Variants in CAMK4 observed in about 807,000 individuals in gnomAD.
CAMK4 encodes calcium/calmodulin-dependent protein kinase type IV.
In CAMK4, 22 loss-of-function variants were observed where a neutral mutation model predicts 44.9. The ratio of observed to expected loss-of-function variants is 0.49; its 90% CI spans 0.35 to 0.70. The LOEUF is 0.70. CAMK4 is among the 30% of genes least tolerant of loss of function. CAMK4 has a pLI of 0.01. For synonymous variants in CAMK4, 218 were observed against 215.4 expected (o/e 1.01, Z -0.11); for missense variants, 498 against 586.8 (o/e 0.85, Z 1.56).
chr5:111,333,667 A>C (rs551529524), intron 1 of CAMK4, among the ~76,000 whole-genome samples: 1 of 151,756 alleles, frequency 6.6e-6, no homozygotes, highest in South Asian at 2.1e-4. Context: ...TGGAGATCCA[A>C]GCACTAGGTC....
At chr5:111,419,918 G>A (rs1248834425) in intron 5 of CAMK4, among the ~76,000 whole-genome samples, 4 of 152,154 alleles carry the variant, frequency 2.6e-5, no homozygotes, top group Non-Finnish European at 5.9e-5. Context: ...GATTGACTTG[G>A]CGATGTGGGC....
chr5:111,227,086 C>T (rs1041226514), intron 1 of CAMK4, among the ~76,000 whole-genome samples: 15 of 152,184 alleles, frequency 9.9e-5, no homozygotes, highest in African/African-American at 2.9e-4. Context: ...TACATGGCAG[C>T]ATTCGTGGGG....
At position 111,224,707 on chromosome 5, in the gene CAMK4, C is replaced by G. The variant is rs1748091509; in HGVS notation, c.161+63C>G. On this transcript the variant is annotated intron_variant, in intron 1 of 10. Coordinates refer to ENST00000282356, the MANE Select transcript of CAMK4 (RefSeq NM_001744.6). The surrounding 1 kb of genome is among the most constrained non-coding windows in gnomAD (Gnocchi z 5.7). The stretch of plus-strand genomic sequence containing the variant: ...GCACTGGGGGTTGTCCCTCTCGCAG[C>G]GACGGCTCGGAGGGTGCGGGAGCCT... The G allele has an allele frequency of 9.3e-6, 14 of 1,512,192 alleles. No individual in the cohort carries two copies. Among genetic ancestry groups the G allele is most frequent in the African/African-American group, 1.4e-5 (1 of 70,630 alleles). The allele number at this position is 1,512,192 out of a possible 1,614,324, so 93.7% of individuals were successfully genotyped here. A position where few individuals can be genotyped will look rare whatever the true frequency, so the allele number is the denominator to read the frequency against.
chr5:111,475,718 AG>A (rs1444756710), intron 8 of CAMK4, among the ~76,000 whole-genome samples: 2 of 152,224 alleles, frequency 1.3e-5, no homozygotes, highest in Admixed American at 1.3e-4. Flanking sequence ...CCTAAGCCTG[AG>A]GACGTTTTAT....
At chr5:111,259,467 G>A (rs937736173) in intron 1 of CAMK4, among the ~76,000 whole-genome samples, 10 of 152,118 alleles carry the variant, frequency 6.6e-5, no homozygotes, top group East Asian at 3.8e-4. Context: ...TGATATTCAC[G>A]GAAAAAATAC....
At chr5:111,403,123 CAAATTTCT>C (rs1752291267) in intron 5 of CAMK4, among the ~76,000 whole-genome samples, 1 of 152,188 alleles carries the variant, frequency 6.6e-6, no homozygotes, top group African/African-American at 2.4e-5. Flanking sequence ...TCTGGTCCCA[CAAATTTCT>C]AAAAACTGAT....
intron 7 of CAMK4, among the ~76,000 whole-genome samples, chr5:111,465,483 G>A (rs1461252555): frequency 6.6e-6 from 1 of 152,026 alleles, no homozygotes; most frequent in Non-Finnish European, 1.5e-5. Flanking sequence ...AAAGAAGAGA[G>A]AAGATCCAAA....
intron 1 of CAMK4, among the ~76,000 whole-genome samples, chr5:111,232,201 G>A (rs1295657917): frequency 6.6e-6 from 1 of 152,002 alleles, no homozygotes; most frequent in Non-Finnish European, 1.5e-5. Flanking sequence ...TCAATATTTG[G>A]CCTCCAAGTG....
At chr5:111,389,455 G>A (rs1180319795) in intron 4 of CAMK4, among the ~76,000 whole-genome samples, 1 of 152,178 alleles carries the variant, frequency 6.6e-6, no homozygotes, top group Non-Finnish European at 1.5e-5. Context: ...CCAAAATATA[G>A]AGAGGAGATT....
chr5:111,367,659 G>C (rs1056171919), intron 2 of CAMK4, among the ~76,000 whole-genome samples: 1 of 152,192 alleles, frequency 6.6e-6, no homozygotes, highest in East Asian at 1.9e-4. Flanking sequence ...AAATGAGATA[G>C]GACATCTCCT....
intron 4 of CAMK4, among the ~76,000 whole-genome samples, chr5:111,391,892 G>A (rs995062745): frequency 1.3e-5 from 2 of 152,114 alleles, no homozygotes; most frequent in Non-Finnish European, 2.9e-5. Context: ...AGAAAATCAG[G>A]TTGTCATCAG....
At chr5:111,411,153 A>G (rs1180694352) in intron 5 of CAMK4, among the ~76,000 whole-genome samples, 1 of 152,222 alleles carries the variant, frequency 6.6e-6, no homozygotes, top group Non-Finnish European at 1.5e-5. Flanking sequence ...AGAAGAACCA[A>G]GCAGGAGGAG....
intron 1 of CAMK4, among the ~76,000 whole-genome samples, chr5:111,260,058 A>G (rs185684735): frequency 6.6e-6 from 1 of 152,316 alleles, no homozygotes; most frequent in African/African-American, 2.4e-5. Context: ...AATGTCATAA[A>G]TAATAGCCGA....
chr5:111,247,902 G>C (rs1401108182), intron 1 of CAMK4, among the ~76,000 whole-genome samples: 1 of 152,164 alleles, frequency 6.6e-6, no homozygotes, highest in African/African-American at 2.4e-5. Flanking sequence ...GAAGTACTGC[G>C]AGGTTAAATT....
At chr5:111,423,719 A>G (rs944916340) in intron 5 of CAMK4, among the ~76,000 whole-genome samples, 1 of 152,204 alleles carries the variant, frequency 6.6e-6, no homozygotes, top group Non-Finnish European at 1.5e-5. Context: ...TTCTTTGTAT[A>G]AAATGGGCCA....
chr5:111,339,478 G>A (rs1177302014), intron 1 of CAMK4, among the ~76,000 whole-genome samples: 1 of 151,108 alleles, frequency 6.6e-6, no homozygotes, highest in African/African-American at 2.4e-5. Context: ...ATTTATTAAT[G>A]AAAATATTCC....
At chr5:111,226,855 T>G (rs1183158180) in intron 1 of CAMK4, among the ~76,000 whole-genome samples, 4 of 152,210 alleles carry the variant, frequency 2.6e-5, no homozygotes, top group Non-Finnish European at 5.9e-5. Context: ...CTGAATGCTA[T>G]CACTTTCCCA....
At chr5:111,343,498 A>G (rs914512529) in intron 1 of CAMK4, among the ~76,000 whole-genome samples, 2 of 151,750 alleles carry the variant, frequency 1.3e-5, no homozygotes, top group Admixed American at 1.3e-4. Context: ...ATAGTTATTG[A>G]ATGCCTTCTT....
At chr5:111,473,117 CAGAT>C (rs2112487231) in intron 7 of CAMK4, among the ~76,000 whole-genome samples, 190 bp from the exon 8 acceptor site, 1 of 149,886 alleles carries the variant, frequency 6.7e-6, no homozygotes, top group Admixed American at 6.7e-5. Flanking sequence ...CATCCCAAAA[CAGAT>C]AGACTATAAT....
Sources: gnomAD v4.1 joint callset for allele counts (sites outside exome capture counted in the v4.1 genomes callset) on GRCh38, gnomAD v4.1.1 for gene constraint, Gnocchi (gnomAD v3.1) non-coding constraint, MANE v1.5 for transcripts, NCBI Gene and HGNC (gene_info 2026-07-23, HGNC 2026-07-21) for gene names.